Variants in STK3 observed in about 807,000 individuals in gnomAD.
STK3 encodes the protein serine/threonine kinase 3.
A neutral mutation model predicts 58.0 loss-of-function variants in STK3; 41 were observed. That is an observed-to-expected ratio of 0.71 (90% confidence interval 0.55 to 0.92). STK3 has a LOEUF of 0.92. STK3 is among the 40% of genes least tolerant of loss of function. The pLI, the probability that STK3 is intolerant of heterozygous loss-of-function variation, is 0.00. For missense variants in STK3, 479 were observed against 602.7 expected (o/e 0.79, Z 2.15); for synonymous variants, 170 against 191.0 (o/e 0.89, Z 0.91).
At chr8:98,611,586 A>T (rs1817204015) in intron 6 of STK3, among the ~76,000 whole-genome samples, 1 of 151,066 alleles carries the variant, frequency 6.6e-6, no homozygotes. Context: ...TAAAATGATA[A>T]AAAAAAATTC....
intron 1 of STK3, among the ~76,000 whole-genome samples, chr8:98,893,486 G>GAAAGAAGGAAAGAGAAAGAAAGAA (rs776247646): frequency 2.3e-5 from 1 of 42,998 alleles, no homozygotes; most frequent in Non-Finnish European, 4.3e-5. Context: ...AAGAAAGAAA[G>GAAAGAAGGAAAGAGAAAGAAAGAA]AGAAAGAAAG....
In STK3 at chr8:98,579,694, T is replaced by C. The variant is rs750932144; in HGVS notation, c.918A>G (p.Gln306=). The C allele has an allele frequency of 6.2e-7, 1 of 1,609,938 alleles. No homozygotes were observed. The highest frequency in any genetic ancestry group is 1.3e-5 in the African/African-American group (1 of 74,716). The change falls in exon 8 of 11, where the codon CAA becomes CAG. Residue 306 remains glutamine (Q), a synonymous_variant. Transcript: ENST00000419617. ...EIKAKRHEEQ[Q]RELEEEEENS... The stretch of plus-strand genomic sequence containing the variant: ...TTTCTTCTTCCTCTTCCAATTCTCG[T>C]TGCTGTTCCTCATGTCTTTTAGCTT...
chr8:98,752,291 C>T (rs1466551427), intron 3 of STK3, among the ~76,000 whole-genome samples: 1 of 152,054 alleles, frequency 6.6e-6, no homozygotes, highest in Non-Finnish European at 1.5e-5. Flanking sequence ...AGAAATAAGA[C>T]CACACAACTA....
downstream of STK3, chr8:98,371,307 TTGCTA>T (rs1184037704): frequency 6.6e-6 from 1 of 152,220 alleles, no homozygotes; most frequent in African/African-American, 2.4e-5. Flanking sequence ...TATCAAATAC[TTGCTA>T]TGTGTACTTC....
chr8:98,813,947 T>C (rs1181051977), intron 1 of STK3, among the ~76,000 whole-genome samples: 5 of 152,210 alleles, frequency 3.3e-5, no homozygotes, highest in Non-Finnish European at 7.3e-5. Context: ...ATTAGAAATA[T>C]GGACACCTAT....
Position 98,455,751 on chromosome 8 carries a change from A to G in STK3, c.*91T>C. 1.3e-6 allele frequency: 2 copies of G among 1,512,528 alleles called. No individual in the cohort carries two copies. The highest frequency in any genetic ancestry group is 1.7e-4 in the Middle Eastern group (1 of 5,826). 93.7% of individuals were successfully genotyped at this position (1,512,528 alleles called of 1,614,324 possible). ...TTGACCTCTGCCTAATTGTAGGGCA[A>G]AATCTTAGGATTAAAAATATCCAAA... On this transcript the variant is annotated 3_prime_UTR_variant, in exon 11 of 11. Coordinates refer to ENST00000419617, the MANE Select transcript of STK3 (RefSeq NM_006281.4).
At chr8:98,480,426 A>G (rs910797829) in intron 10 of STK3, among the ~76,000 whole-genome samples, 1 of 152,352 alleles carries the variant, frequency 6.6e-6, no homozygotes, top group East Asian at 1.9e-4. Context: ...TTCACTTTAA[A>G]TATAAAGGCA....
intron 7 of STK3, among the ~76,000 whole-genome samples, chr8:98,592,733 C>CTTTG (rs777173917): frequency 7.2e-6 from 1 of 139,550 alleles, no homozygotes; most frequent in East Asian, 2.1e-4. Flanking sequence ...CACTGACTTA[C>CTTTG]TTTATTTATT....
At chr8:98,838,549 T>C (rs530502883) in intron 3 of STK3, among the ~76,000 whole-genome samples, 25 of 152,270 alleles carry the variant, frequency 1.6e-4, no homozygotes, top group African/African-American at 5.8e-4. Context: ...GAGAGGTAGA[T>C]GCTTAGTAGA....
chr8:98,738,048 C>CA (rs1308963147), intron 4 of STK3, among the ~76,000 whole-genome samples: 2 of 151,980 alleles, frequency 1.3e-5, no homozygotes, highest in South Asian at 2.1e-4. Flanking sequence ...CATTTAAATA[C>CA]AAAAAAGAAG....
intron 9 of STK3, among the ~76,000 whole-genome samples, chr8:98,535,259 TA>T (rs1563713652): frequency 6.6e-6 from 1 of 152,188 alleles, no homozygotes; most frequent in Non-Finnish European, 1.5e-5. Flanking sequence ...AGCGTATTTC[TA>T]GATAGCATTC....
intron 3 of STK3, among the ~76,000 whole-genome samples, chr8:98,842,479 C>T (rs1489807859): frequency 6.6e-6 from 1 of 152,138 alleles, no homozygotes; most frequent in Non-Finnish European, 1.5e-5. Context: ...AGTCTGAAAA[C>T]AGCCTGGGCA....
chr8:98,903,160 A>G (rs879670971), intron 1 of STK3, among the ~76,000 whole-genome samples: 5 of 152,240 alleles, frequency 3.3e-5, no homozygotes, highest in Non-Finnish European at 5.9e-5. Flanking sequence ...TGTTTACTAC[A>G]ATTTCATTAT....
intron 6 of STK3, among the ~76,000 whole-genome samples, chr8:98,673,921 A>C (rs1375584121): frequency 1.3e-5 from 2 of 152,238 alleles, no homozygotes; most frequent in Non-Finnish European, 2.9e-5. Context: ...GTAGAATACT[A>C]TGCTACATTC....
chr8:98,415,837 A>G (rs1302511586), intron 3 of STK3, among the ~76,000 whole-genome samples: 1 of 152,240 alleles, frequency 6.6e-6, no homozygotes, highest in African/African-American at 2.4e-5. Context: ...TTGTTGTACA[A>G]TGATTATTAC....
intron 3 of STK3, chr8:98,393,527 T>G (rs530704319): frequency 2.6e-5 from 4 of 152,200 alleles, no homozygotes; most frequent in African/African-American, 7.2e-5. Context: ...TCAATACAAG[T>G]GATGTTTGCC....
At chr8:98,478,095 A>T (rs1821521199) in intron 10 of STK3, among the ~76,000 whole-genome samples, 1 of 152,198 alleles carries the variant, frequency 6.6e-6, no homozygotes, top group African/African-American at 2.4e-5. Context: ...GCTCTTGGTC[A>T]CATGCTGCTC....
At chr8:98,424,786 G>T (rs1293125244) in intron 3 of STK3, among the ~76,000 whole-genome samples, 1 of 152,232 alleles carries the variant, frequency 6.6e-6, no homozygotes, top group Non-Finnish European at 1.5e-5. Context: ...GGTGATTTAT[G>T]CACTGAGCTA....
chr8:98,527,075 A>G (rs895126558), intron 9 of STK3, 158 bp from the exon 10 acceptor site: 31 of 524,896 alleles, frequency 5.9e-5, no homozygotes, highest in African/African-American at 4.9e-4. Flanking sequence ...GTGAAATAAA[A>G]TAAGAATTAA....
Sources: gnomAD v4.1 joint callset for allele counts (sites outside exome capture counted in the v4.1 genomes callset) on GRCh38, gnomAD v4.1.1 for gene constraint, MANE v1.5 for transcripts, NCBI Gene and HGNC (gene_info 2026-07-23, HGNC 2026-07-21) for gene names.